Variants in OAS1 observed in about 807,000 individuals in gnomAD.
OAS1 encodes 2'-5'-oligoadenylate synthase 1.
In OAS1, 24 loss-of-function variants were observed where a neutral mutation model predicts 38.5. The observed-to-expected ratio is 0.62, with a 90% confidence interval of 0.45 to 0.88. The LOEUF (loss-of-function observed/expected upper bound fraction) is 0.88, where lower values mean the gene tolerates loss of function less well. Ranked by LOEUF, OAS1 falls within the 40% of genes least tolerant of loss-of-function variation. The pLI is 0.00. For missense variants in OAS1, 482 were observed against 493.9 expected, an observed-to-expected ratio of 0.98 and a Z score of 0.23; for synonymous variants, 169 against 193.9, an observed-to-expected ratio of 0.87 and a Z score of 1.07.
At position 112,916,508 on chromosome 12, in the gene OAS1, G is replaced by C. The variant is rs2043457901; in HGVS notation, c.655-1G>C. On this transcript the variant is annotated splice_acceptor_variant, in intron 3 of 5. Transcript: ENST00000202917. LOFTEE classifies it high-confidence loss of function. ...TTTCTGATTGTTTTTCCTCTTCTCA[G>C]TGTAAGAAGAAGCTTGGGAAGCTGC... The C allele has an allele frequency of 6.2e-7, 1 of 1,611,146 alleles. No homozygotes were observed. The highest frequency in any genetic ancestry group is 8.5e-7 in the Non-Finnish European group (1 of 1,177,316).
chr12:112,916,092 G>A (rs576773911), intron 3 of OAS1, among the ~76,000 whole-genome samples: 30 of 152,154 alleles, frequency 2.0e-4, no homozygotes, highest in South Asian at 4.2e-4. Flanking sequence ...GTTAATTTTC[G>A]TAGTATCTTT....
At chr12:112,912,767 T>G (rs1371380779) in intron 3 of OAS1, among the ~76,000 whole-genome samples, 6 of 152,214 alleles carry the variant, frequency 3.9e-5, no homozygotes, top group African/African-American at 1.4e-4. Flanking sequence ...CCAAGAATTG[T>G]CTTTTTCTTT....
chr12:112,908,481 T>C, intron 1 of OAS1, 55 bp from the exon 2 acceptor site: 2 of 1,529,156 alleles, frequency 1.3e-6, no homozygotes, highest in Non-Finnish European at 1.8e-6. Context: ...TGTCATTTTA[T>C]TTAGGGAGGT....
chr12:112,921,453 C>G (rs1158746410), downstream of OAS1, among the ~76,000 whole-genome samples: 1 of 152,168 alleles, frequency 6.6e-6, no homozygotes, highest in Non-Finnish European at 1.5e-5. Context: ...GTTGCTTGAT[C>G]GAAGAGCCAC....
chr12:112,918,058 AT>A, intron 5 of OAS1: 2 of 593,020 alleles, frequency 3.4e-6, no homozygotes, highest in Non-Finnish European at 4.8e-6. Flanking sequence ...ATTTTTTATT[AT>A]TTTAGATTCA....
At chr12:112,922,554 C>T (rs114011664), downstream of OAS1, among the ~76,000 whole-genome samples, 608 of 152,260 alleles carry the variant, frequency 4.0e-3, 7 homozygotes, top group African/African-American at 0.014. Flanking sequence ...CCTGCCTGCC[C>T]TATTGCCCTT....
rs544666557 is a variant in OAS1 at position 112,931,160 on chromosome 12, T to G, written c.1168-718T>G. Among the ~76,000 whole-genome samples, 3 of 152,344 alleles carry G rather than the reference T, an allele frequency of 2.0e-5. No homozygotes were observed. The South Asian group carries it at 6.2e-4, about 32-fold the overall frequency. On this transcript the variant is annotated intron_variant, in intron 6 of 6. Transcript: ENST00000540589. ...GTTTTGGGGCATCCTGGGCAGCTCATTCCACTAATAGGCATAACCATAACC... is the reference window on the plus strand; with the variant it reads ...GTTTTGGGGCATCCTGGGCAGCTCAGTCCACTAATAGGCATAACCATAACC...
chr12:112,931,952 G>A (rs543318913), exon 7 of OAS1: 1 of 702,348 alleles, frequency 1.4e-6, no homozygotes, highest in East Asian at 2.7e-5. Flanking sequence ...CAACAGACAA[G>A]AGGAGCCTCA....
chr12:112,910,021 C>G (rs930475934), intron 2 of OAS1, among the ~76,000 whole-genome samples: 4 of 152,144 alleles, frequency 2.6e-5, no homozygotes, highest in Non-Finnish European at 4.4e-5. Flanking sequence ...TTTGGATTCT[C>G]TCCTTTGTGC....
chr12:112,925,236 T>A (rs936537869), intron 6 of OAS1, among the ~76,000 whole-genome samples: 3 of 151,500 alleles, frequency 2.0e-5, no homozygotes, highest in Non-Finnish European at 4.4e-5. Flanking sequence ...AACGAGGGGG[T>A]GAATTTTGGT....
rs116086311 is a variant in OAS1 at position 112,910,849 on chromosome 12, C to T, written c.470-202C>T. 0.03 allele frequency among the ~76,000 whole-genome samples: 4,568 copies of T among 152,050 alleles called. 230 individuals carry two copies. Among genetic ancestry groups the T allele is most frequent in the African/African-American group, 0.1 (4,344 of 41,438 alleles). The stretch of plus-strand genomic sequence containing the variant: ...AAAGAGGTTGCTGCCATAGTTCCGG[C>T]GAGTGACGGTGGTGGCTTGGATGGG... On this transcript the variant is annotated intron_variant, in intron 2 of 5. Transcript: ENST00000202917.
At chr12:112,918,089 G>T in intron 5 of OAS1, 1 of 361,026 alleles carries the variant, frequency 2.8e-6, no homozygotes, top group South Asian at 3.1e-5. Context: ...TGTGCCATTT[G>T]TTACACAGCT....
intron 5 of OAS1, chr12:112,917,986 A>T (rs1422765126): frequency 1.3e-5 from 17 of 1,321,918 alleles, no homozygotes; most frequent in Non-Finnish European, 1.7e-5. Context: ...TTCTGTCCTA[A>T]GCCCTTTAAT....
rs140799151 is a variant in OAS1, at chr12:112,911,183, G to T, written c.602G>T (p.Arg201Leu). ...TELQRDFLKQ[R>L]PTKLKSLIRL... The stretch of plus-strand genomic sequence containing the variant: ...CTACAGAGAGACTTCCTGAAGCAGC[G>T]CCCCACCAAGCTCAAGAGCCTCATC... Residue 201 changes from arginine to leucine, a missense_variant, in exon 3 of 6, where the codon CGC (arginine) becomes CTC (leucine). Physicochemically the swap from Arg to Leu is moderately radical, Grantham distance 102. Transcript: ENST00000202917. 6.2e-7 allele frequency: 1 copy of T among 1,613,772 alleles called. No homozygotes were observed. The highest frequency in any genetic ancestry group is 1.7e-5 in the Admixed American group (1 of 59,972).
chr12:112,908,914 C>A, intron 2 of OAS1, 90 bp downstream of exon 2: 1 of 1,368,466 alleles, frequency 7.3e-7, no homozygotes, highest in Non-Finnish European at 1.0e-6. Flanking sequence ...AACAGGGCAT[C>A]TCTCTAAAGC....
intron 4 of OAS1, chr12:112,916,951 G>T: frequency 3.7e-6 from 2 of 542,758 alleles, no homozygotes. Context: ...TTTTACAGGT[G>T]AGTAAACTGA....
At chr12:112,927,310 G>A (rs996804465) in intron 6 of OAS1, among the ~76,000 whole-genome samples, 3 of 152,176 alleles carry the variant, frequency 2.0e-5, no homozygotes, top group Non-Finnish European at 2.9e-5. Context: ...CATGGCTTCA[G>A]TAGGTCCCTC....
chr12:112,918,791 C>T, intron 5 of OAS1: 1 of 335,044 alleles, frequency 3.0e-6, no homozygotes, highest in South Asian at 2.4e-5. Context: ...TGGGTTGTCA[C>T]ACAGCTAAAC....
intron 2 of OAS1, among the ~76,000 whole-genome samples, chr12:112,910,242 C>T (rs1172048094): frequency 1.3e-5 from 2 of 152,054 alleles, no homozygotes; most frequent in African/African-American, 4.8e-5. Flanking sequence ...GTGGTGTGTG[C>T]CTGTAATCAC....
Sources: allele counts gnomAD v4.1 joint callset (sites outside exome capture counted in the v4.1 genomes callset), GRCh38; gene constraint gnomAD v4.1.1; transcripts MANE v1.5; gene names NCBI Gene and HGNC (gene_info 2026-07-23, HGNC 2026-07-21).